The following ZNF280C variants were observed in gnomAD, a reference collection of about 807,000 sequenced individuals.
The protein encoded by ZNF280C is zinc finger protein 280C, also known as suppressor of hairy wing homolog 3.
ZNF280C carries 14 observed loss-of-function variants against 53.6 expected under a neutral mutation model. That is an observed-to-expected ratio of 0.26 (90% CI 0.17 to 0.41). ZNF280C has a LOEUF of 0.41. ZNF280C is among the 10% of genes least tolerant of loss of function. ZNF280C has a pLI of 1.00. For synonymous variants in ZNF280C, 203 were observed against 181.1 expected, an observed-to-expected ratio of 1.12 and a Z score of -0.97; for missense variants, 416 against 547.1, an observed-to-expected ratio of 0.76 and a Z score of 2.39.
Position 130,224,143 on chromosome X carries a change from G to A in ZNF280C, c.1395+2616C>T, listed in dbSNP as rs769796057. On this transcript the variant is annotated intron_variant, in intron 12 of 18. Coordinates refer to ENST00000370978, the MANE Select transcript of ZNF280C (RefSeq NM_017666.5). ...AATAGTATTGGGAGGTGGAGCCTTC[G>A]GAAACTAATTAGATTATGATGGTGG... Among the ~76,000 whole-genome samples the A allele has an allele frequency of 8.1e-5, 9 of 111,549 alleles. No homozygotes were observed. In the South Asian group the frequency reaches 1.5e-3, roughly 19 times the overall value.
Position 130,230,721 on chromosome X carries a change from A to G in ZNF280C, c.778T>C (p.Cys260Arg). The change falls in exon 9 of 19, where the codon TGT becomes CGT. Residue 260 changes from cysteine to arginine, a missense_variant. By Grantham distance (180) the Cys-to-Arg change is radical. Transcript: ENST00000370978. ...AAAAATTTAGTTATCATGTCTGGACAACAATGCTGAAAGAGGAAAAAAATA... is the reference window on the plus strand; with the variant it reads ...AAAAATTTAGTTATCATGTCTGGACGACAATGCTGAAAGAGGAAAAAAATA... ...DPLKYHMKHC[C>R]PDMITKFLGV... is the part of the protein sequence containing the mutation. The G allele has an allele frequency of 8.5e-7, 1 of 1,182,803 alleles. No individual in the cohort carries two copies. The highest frequency in any genetic ancestry group is 1.1e-6 in the Non-Finnish European group (1 of 875,160).
intron 2 of ZNF280C, among the ~76,000 whole-genome samples, chrX:130,257,050 A>G (rs1440351298): frequency 9.3e-6 from 1 of 107,595 alleles, no homozygotes; most frequent in Admixed American, 9.9e-5. Flanking sequence ...AACACAAAAA[A>G]ATTAGCCAGG....
In ZNF280C at chrX:130,255,486, GA is replaced by G. The variant is rs767206704; in HGVS notation, c.31+4932del. 2.4e-3 allele frequency among the ~76,000 whole-genome samples: 170 copies of G among 70,031 alleles called. 1 individual carries two copies. The highest frequency in any genetic ancestry group is 7.3e-3 in the Admixed American group (46 of 6,272). The allele number at this position is 70,031 out of a possible 115,157, so 60.8% of individuals were successfully genotyped here. On this transcript the variant is annotated intron_variant, in intron 2 of 18. Transcript: ENST00000370978. ...TAAAATGCACCTAACAAAAGCTCCA[GA>G]AAAAAAAAAAAGAGAGAGAAAAAGG...
rs1460994892 is a variant in ZNF280C, at chrX:130,215,347, A to G, written c.1839-14T>C. The G allele has an allele frequency of 1.8e-6, 2 of 1,139,933 alleles. No individual in the cohort carries two copies. Among genetic ancestry groups the G allele is most frequent in the South Asian group, 4.2e-5 (2 of 47,514 alleles). The allele number at this position is 1,139,933 out of a possible 1,213,427, so 93.9% of individuals were successfully genotyped here. ...CCCCGACGACACCTTATGGAGACGG[A>G]AAAAAAAGATAAAAAGAGATTATAA... On this transcript the variant is annotated splice_polypyrimidine_tract_variant and intron_variant, in intron 14 of 18. Transcript: ENST00000370978.
chrX:130,241,771 A>G (rs2032393156), intron 5 of ZNF280C, among the ~76,000 whole-genome samples: 1 of 111,386 alleles, frequency 9.0e-6, no homozygotes, highest in East Asian at 2.8e-4. Flanking sequence ...CTCTAAATAA[A>G]TAAAGTATAT....
chrX:130,213,298 G>A (rs113887243), intron 15 of ZNF280C, among the ~76,000 whole-genome samples: 740 of 112,313 alleles, frequency 6.6e-3, no homozygotes, highest in Middle Eastern at 0.032. Flanking sequence ...GCATGAACCC[G>A]GGAGGCGGAG....
intron 2 of ZNF280C, 68 bp from the exon 3 acceptor site, chrX:130,247,073 G>A (rs2032458196): frequency 2.0e-6 from 2 of 996,559 alleles, no homozygotes; most frequent in Admixed American, 5.6e-5. Context: ...GCAATACATA[G>A]TATGATATTT....
intron 8 of ZNF280C, 83 bp downstream of exon 8, chrX:130,236,131 C>T (rs2032329295): frequency 2.4e-5 from 14 of 583,651 alleles, no homozygotes; most frequent in Non-Finnish European, 3.6e-5. Context: ...CTGGATAAAC[C>T]AGCATTTACT....
At chrX:130,251,282 C>CAAAAAAAAAAAAA (rs61571389) in intron 2 of ZNF280C, among the ~76,000 whole-genome samples, 173 of 15,329 alleles carry the variant, frequency 0.011, 38 homozygotes, top group African/African-American at 0.032. Context: ...GGACCTGTCT[C>CAAAAAAAAAAAAA]AAAAAAAAAA....
At chrX:130,216,313 T>C (rs749234712) in intron 13 of ZNF280C, among the ~76,000 whole-genome samples, 3 of 111,807 alleles carry the variant, frequency 2.7e-5, no homozygotes, top group African/African-American at 6.5e-5. Context: ...CCTCATATTA[T>C]ATACAAAAAT....
chrX:130,220,275 C>T (rs1771452702), intron 13 of ZNF280C, 74 bp downstream of exon 13: 2 of 913,693 alleles, frequency 2.2e-6, no homozygotes, highest in Admixed American at 4.2e-5. Flanking sequence ...TCCTTCTATC[C>T]ATAATAAAAA....
At chrX:130,245,488 A>G (rs1332075234) in intron 3 of ZNF280C, among the ~76,000 whole-genome samples, 1 of 112,105 alleles carries the variant, frequency 8.9e-6, no homozygotes, top group Non-Finnish European at 1.9e-5. Flanking sequence ...GCCACAGGAA[A>G]TGATACTGAG....
chrX:130,228,884 C>T, intron 10 of ZNF280C, 93 bp downstream of exon 10: 1 of 886,935 alleles, frequency 1.1e-6, no homozygotes, highest in Non-Finnish European at 1.5e-6. Context: ...AAGTCTACTT[C>T]TTATTTTTTT....
At chrX:130,205,193 G>A in intron 17 of ZNF280C, 40 bp from the exon 18 acceptor site, 1 of 1,142,135 alleles carries the variant, frequency 8.8e-7, no homozygotes. Context: ...TAGCATATAT[G>A]AAGAGTGAGA....
At chrX:130,264,746 C>A (rs966449723) in intron 1 of ZNF280C, among the ~76,000 whole-genome samples, 3 of 111,306 alleles carry the variant, frequency 2.7e-5, no homozygotes, top group African/African-American at 9.8e-5. Context: ...CAGCAAAATA[C>A]TCATTCAATA....
intron 3 of ZNF280C, among the ~76,000 whole-genome samples, chrX:130,245,880 G>A (rs945225630): frequency 9.1e-6 from 1 of 109,459 alleles, no homozygotes; most frequent in African/African-American, 3.3e-5. Flanking sequence ...CTGCCTACAG[G>A]TTCAGGCGAT....
chrX:130,268,273 G>T (rs1386264112), intron 1 of ZNF280C, among the ~76,000 whole-genome samples: 2 of 111,332 alleles, frequency 1.8e-5, no homozygotes, highest in African/African-American at 6.5e-5. Context: ...GGGAACCTGC[G>T]CAGAAAGAAG....
At chrX:130,256,589 G>A (rs1018015360) in intron 2 of ZNF280C, among the ~76,000 whole-genome samples, 86 of 107,058 alleles carry the variant, frequency 8.0e-4, no homozygotes, top group African/African-American at 2.8e-3. Context: ...TCCATCTCAA[G>A]AAAAAAAGGG....
chrX:130,204,067 C>A lies in ZNF280C; in HGVS notation c.*910G>T, dbSNP rs1304318392. 1 of 111,401 alleles carries A rather than the reference C, an allele frequency of 9.0e-6. No homozygotes were observed. Among genetic ancestry groups the A allele is most frequent in the Non-Finnish European group, 1.9e-5 (1 of 53,106 alleles). 9.2% of individuals were successfully genotyped at this position (111,401 alleles called of 1,213,427 possible). ...ACATGAACAACTGTGTCTTTGGGAA[C>A]TGTAATTGTAGAAATTTTCTTTATC... On this transcript the variant is annotated 3_prime_UTR_variant, in exon 19 of 19. Transcript: ENST00000370978.
Sources: allele counts gnomAD v4.1 joint callset (sites outside exome capture counted in the v4.1 genomes callset), GRCh38; gene constraint gnomAD v4.1.1; transcripts MANE v1.5; gene names NCBI Gene and HGNC (gene_info 2026-07-23, HGNC 2026-07-21).